The following DMBX1 variants were observed in gnomAD, a reference collection of about 807,000 sequenced individuals.
DMBX1 encodes diencephalon/mesencephalon homeobox protein 1.
A neutral mutation model predicts 30.4 loss-of-function variants in DMBX1; 7 were observed. The ratio of observed to expected loss-of-function variants is 0.23; its 90% CI spans 0.13 to 0.43. The LOEUF is 0.43. Ranked by LOEUF, DMBX1 falls within the 20% of genes least tolerant of loss-of-function variation. DMBX1 has a pLI of 1.00. For missense variants in DMBX1, 460 were observed against 508.5 expected (o/e 0.90, Z 0.92); for synonymous variants, 222 against 214.2 (o/e 1.04, Z -0.32).
chr1:46,490,458 C>T (rs1016036934), intron 1 of DMBX1, among the ~76,000 whole-genome samples, 186 bp from the exon 2 acceptor site: 3 of 150,418 alleles, frequency 2.0e-5, no homozygotes, highest in Non-Finnish European at 3.0e-5. Context: ...CGGCGTAATG[C>T]GGACCAGATG....
rs1476890958 is a variant in DMBX1 at position 46,510,693 on chromosome 1, C to T, written c.333+39C>T. 2 of 1,595,182 alleles carry T rather than the reference C, an allele frequency of 1.3e-6. No individual in the cohort carries two copies. Among genetic ancestry groups the T allele is most frequent in the South Asian group, 1.1e-5 (1 of 89,132 alleles). ...CTCCTAACTAGGCCTTGCAGACAAA[C>T]ACCAGCCCATCAGTCTGCCCGCTTG... On this transcript the variant is annotated intron_variant, in intron 4 of 5. Transcript: ENST00000360032. The surrounding 1 kb of genome is among the most constrained non-coding windows in gnomAD (Gnocchi z 4.1).
intron 2 of DMBX1, among the ~76,000 whole-genome samples, chr1:46,496,391 G>A (rs1666025098): frequency 6.6e-6 from 1 of 152,158 alleles, no homozygotes; most frequent in South Asian, 2.1e-4. Flanking sequence ...GGTACTTACT[G>A]GGATGGGGGC....
At chr1:46,490,519 C>G (rs1021451041) in intron 1 of DMBX1, among the ~76,000 whole-genome samples, 125 bp from the exon 2 acceptor site, 1 of 152,170 alleles carries the variant, frequency 6.6e-6, no homozygotes, top group Non-Finnish European at 1.5e-5. Context: ...GGGGGCGCGG[C>G]CGGCAGCCCA....
intron 2 of DMBX1, among the ~76,000 whole-genome samples, chr1:46,500,352 C>T (rs1666100257): frequency 6.6e-6 from 1 of 151,934 alleles, no homozygotes; most frequent in African/African-American, 2.4e-5. Context: ...TCACTTACCA[C>T]ATCAACAGCA....
intron 2 of DMBX1, among the ~76,000 whole-genome samples, chr1:46,503,176 C>T (rs2025383): frequency 0.24 from 36,653 of 152,190 alleles, 5,437 homozygotes; most frequent in African/African-American, 0.42. Context: ...TTGCTGTTAC[C>T]TCTGCCTGGA....
intron 2 of DMBX1, among the ~76,000 whole-genome samples, chr1:46,494,083 C>T (rs961103075): frequency 3.9e-5 from 6 of 152,248 alleles, no homozygotes; most frequent in Admixed American, 2.0e-4. Context: ...GCCCAAGTCT[C>T]CTCGATCTCC....
At chr1:46,504,363 C>T (rs879470868) in intron 2 of DMBX1, among the ~76,000 whole-genome samples, 590 of 110,178 alleles carry the variant, frequency 5.4e-3, no homozygotes, top group Admixed American at 8.6e-3. Context: ...ACGTTTAAGT[C>T]TTTAATCCAT....
At chr1:46,502,559 T>C (rs964134201) in intron 2 of DMBX1, among the ~76,000 whole-genome samples, 3 of 152,118 alleles carry the variant, frequency 2.0e-5, no homozygotes, top group Non-Finnish European at 4.4e-5. Context: ...CTCTGCAGTT[T>C]TTTCTCTGTA....
At chr1:46,490,112 G>C (rs1358227335) in intron 1 of DMBX1, among the ~76,000 whole-genome samples, 4 of 152,240 alleles carry the variant, frequency 2.6e-5, no homozygotes, top group African/African-American at 7.2e-5. Context: ...GACAGACAGA[G>C]AGACCCAGGG....
chr1:46,506,641 A>G (rs1666241012), intron 2 of DMBX1, among the ~76,000 whole-genome samples: 1 of 152,230 alleles, frequency 6.6e-6, no homozygotes, highest in Non-Finnish European at 1.5e-5. Flanking sequence ...TGAGATAGGT[A>G]CTATCATGAA....
At chr1:46,511,985 T>G in intron 5 of DMBX1, 58 bp from the exon 6 acceptor site, 1 of 1,535,130 alleles carries the variant, frequency 6.5e-7, no homozygotes, top group Admixed American at 1.8e-5. Flanking sequence ...AGTGCACCTC[T>G]CCTGGCAGAC....
rs1338258899 is a variant in DMBX1 at position 46,512,568 on chromosome 1, CG to C, written c.*75del. On this transcript the variant is annotated 3_prime_UTR_variant, in exon 6 of 6. Transcript: ENST00000360032. This position sits in a 1 kb window ranked among gnomAD's most constrained non-coding sequence, Gnocchi z 4.8. ...CCTGTGGTTATCCCTAGGTGGCTCT[CG>C]AGGAGTTAACTCCATGAGCCCAGGG... The C allele has an allele frequency of 1.3e-6, 2 of 1,491,672 alleles. No homozygotes were observed. Among genetic ancestry groups the C allele is most frequent in the Non-Finnish European group, 1.8e-6 (2 of 1,108,966 alleles). The allele number at this position is 1,491,672 out of a possible 1,614,324, so 92.4% of individuals were successfully genotyped here.
chr1:46,508,725 T>C (rs962779360), intron 3 of DMBX1, among the ~76,000 whole-genome samples: 21 of 152,192 alleles, frequency 1.4e-4, no homozygotes, highest in Non-Finnish European at 2.5e-4. Context: ...GAACTCCAAG[T>C]GAGCCTTTGT....
intron 5 of DMBX1, 67 bp downstream of exon 5, chr1:46,511,350 AGGCGAGTAATCAACTGCCCCTCAGG>A: frequency 1.4e-6 from 2 of 1,423,740 alleles, no homozygotes; most frequent in Non-Finnish European, 1.9e-6. Context: ...AGCAAGTCAG[AGGCGAGTAATCAACTGCCCCTCAGG>A]GGCATGGCGC....
Position 46,512,681 on chromosome 1 carries a change from G to A in DMBX1, c.*187G>A. Reference sequence around the variant, plus strand: ...CCCACACCTACACACCCTCTGCATGGCCCTGCCTGGACCCCATGGAGGCCG... The same window carrying A: ...CCCACACCTACACACCCTCTGCATGACCCTGCCTGGACCCCATGGAGGCCG... On this transcript the variant is annotated 3_prime_UTR_variant, in exon 6 of 6. Coordinates refer to ENST00000360032, the MANE Select transcript of DMBX1 (RefSeq NM_172225.2). The surrounding 1 kb of genome is among the most constrained non-coding windows in gnomAD (Gnocchi z 4.8). 1 of 673,888 alleles carries A rather than the reference G, an allele frequency of 1.5e-6. No individual in the cohort carries two copies. Among genetic ancestry groups the A allele is most frequent in the Non-Finnish European group, 2.4e-6 (1 of 413,008 alleles). The allele number at this position is 673,888 out of a possible 1,614,324, so 41.7% of individuals were successfully genotyped here.
intron 2 of DMBX1, among the ~76,000 whole-genome samples, chr1:46,506,177 C>T (rs889897526): frequency 4.6e-5 from 7 of 152,236 alleles, no homozygotes; most frequent in Admixed American, 2.6e-4. Context: ...CCTGCCTCAG[C>T]CTCCCAAGTA....
intron 3 of DMBX1, among the ~76,000 whole-genome samples, chr1:46,507,977 G>A (rs1666272928): frequency 6.6e-6 from 1 of 151,950 alleles, no homozygotes; most frequent in Non-Finnish European, 1.5e-5. Flanking sequence ...ATATGCCTAT[G>A]AGGGACCGGC....
chr1:46,499,437 G>A (rs1569884052), intron 2 of DMBX1, among the ~76,000 whole-genome samples: 1 of 152,186 alleles, frequency 6.6e-6, no homozygotes, highest in Non-Finnish European at 1.5e-5. Context: ...GTGCGACTGG[G>A]GTTGGGAAAT....
intron 2 of DMBX1, among the ~76,000 whole-genome samples, chr1:46,499,388 A>G (rs1666081706): frequency 6.6e-6 from 1 of 152,184 alleles, no homozygotes; most frequent in Non-Finnish European, 1.5e-5. Flanking sequence ...ATCAGAGAAG[A>G]TAGAAATCAG....
Sources: allele counts gnomAD v4.1 joint callset (sites outside exome capture counted in the v4.1 genomes callset), GRCh38; gene constraint gnomAD v4.1.1; non-coding constraint Gnocchi (gnomAD v3.1); transcripts MANE v1.5; gene names NCBI Gene and HGNC (gene_info 2026-07-23, HGNC 2026-07-21).